The following MACROD2 variants were observed in gnomAD, a reference collection of about 807,000 sequenced individuals.
The protein encoded by MACROD2 is mono-ADP ribosylhydrolase 2, also known as ADP-ribose glycohydrolase MACROD2.
In MACROD2, 36 loss-of-function variants were observed where a neutral mutation model predicts 70.4. That is an observed-to-expected ratio of 0.51 (90% CI 0.39 to 0.68). The LOEUF (loss-of-function observed/expected upper bound fraction) is 0.68, where lower values mean the gene tolerates loss of function less well. Ranked by LOEUF, MACROD2 falls within the 30% of genes least tolerant of loss-of-function variation. The probability of loss-of-function intolerance (pLI) is 0.00; values close to 1 mark genes in which losing one functional copy is unlikely to be tolerated. For synonymous variants in MACROD2, 172 were observed against 178.8 expected (o/e 0.96, Z 0.30); for missense variants, 496 against 538.4 (o/e 0.92, Z 0.78).
At chr20:14,363,144 A>G (rs184065716) in intron 3 of MACROD2, among the ~76,000 whole-genome samples, 28 of 152,294 alleles carry the variant, frequency 1.8e-4, no homozygotes, top group Admixed American at 1.6e-3. Flanking sequence ...CTCTCACTCT[A>G]TATTTTATTA....
chr20:15,082,534 T>G (rs926186482), intron 5 of MACROD2, among the ~76,000 whole-genome samples: 2 of 139,278 alleles, frequency 1.4e-5, no homozygotes, highest in Non-Finnish European at 3.1e-5. Context: ...TTTTTTTTTT[T>G]TTTTTTTTTT....
At chr20:14,723,018 C>G (rs886470681) in intron 5 of MACROD2, among the ~76,000 whole-genome samples, 11 of 152,210 alleles carry the variant, frequency 7.2e-5, no homozygotes, top group Non-Finnish European at 1.6e-4. Flanking sequence ...GACCACCTTG[C>G]AGGTTAAATC....
chr20:15,138,237 G>A (rs978810864), intron 5 of MACROD2, among the ~76,000 whole-genome samples: 9 of 152,066 alleles, frequency 5.9e-5, no homozygotes, highest in Non-Finnish European at 1.2e-4. Context: ...CACAAGAATT[G>A]AAATAGTTTC....
chr20:15,185,247 GA>G (rs535685427), intron 5 of MACROD2, among the ~76,000 whole-genome samples: 123 of 152,262 alleles, frequency 8.1e-4, no homozygotes, highest in Non-Finnish European at 1.4e-3. Context: ...CACCATTTGA[GA>G]AGAAAATAAT....
At chr20:15,151,822 G>C (rs898930954) in intron 5 of MACROD2, among the ~76,000 whole-genome samples, 2 of 152,004 alleles carry the variant, frequency 1.3e-5, no homozygotes, top group Non-Finnish European at 2.9e-5. Flanking sequence ...AGCTGGACCG[G>C]GTGTGAGGAG....
At chr20:14,178,424 ATAGC>A (rs2081281074) in intron 3 of MACROD2, among the ~76,000 whole-genome samples, 1 of 152,216 alleles carries the variant, frequency 6.6e-6, no homozygotes, top group South Asian at 2.1e-4. Context: ...TTATGAAAAA[ATAGC>A]AAAGTGCAAA....
intron 8 of MACROD2, among the ~76,000 whole-genome samples, chr20:15,693,395 A>C (rs1169463456): frequency 6.6e-6 from 1 of 152,028 alleles, no homozygotes; most frequent in Non-Finnish European, 1.5e-5. Flanking sequence ...GCTGTTTGCT[A>C]CCTGTGGATT....
chr20:15,199,007 C>CTTTTTTTT (rs11477634), intron 5 of MACROD2, among the ~76,000 whole-genome samples: 1 of 118,628 alleles, frequency 8.4e-6, no homozygotes. Context: ...ATCTGGACTT[C>CTTTTTTTT]TTTTTTTTTT....
chr20:14,903,650 A>G (rs1214372717), intron 5 of MACROD2, among the ~76,000 whole-genome samples: 1 of 152,124 alleles, frequency 6.6e-6, no homozygotes, highest in Non-Finnish European at 1.5e-5. Context: ...TGCAGTATTC[A>G]TTAGGATACT....
At chr20:14,339,930 T>C (rs1166338472) in intron 3 of MACROD2, among the ~76,000 whole-genome samples, 1 of 152,212 alleles carries the variant, frequency 6.6e-6, no homozygotes, top group Non-Finnish European at 1.5e-5. Context: ...TACATAGTTT[T>C]TCACTTCCCG....
chr20:15,898,464 T>C (rs751123668), intron 10 of MACROD2, among the ~76,000 whole-genome samples: 1 of 149,926 alleles, frequency 6.7e-6, no homozygotes, highest in African/African-American at 2.4e-5. Flanking sequence ...GGCATCAGAA[T>C]TGCTTGAACC....
At chr20:14,193,791 C>A (rs141765024) in intron 3 of MACROD2, among the ~76,000 whole-genome samples, 1 of 152,246 alleles carries the variant, frequency 6.6e-6, no homozygotes, top group East Asian at 1.9e-4. Context: ...TCAATTGGAA[C>A]GAGGCAGAAA....
At chr20:14,131,230 T>C (rs1413597967) in intron 3 of MACROD2, among the ~76,000 whole-genome samples, 1 of 152,186 alleles carries the variant, frequency 6.6e-6, no homozygotes. Context: ...GGATAAAGAG[T>C]TGTTTTCTGA....
chr20:14,214,276 A>G (rs943830569), intron 3 of MACROD2, among the ~76,000 whole-genome samples: 1 of 152,150 alleles, frequency 6.6e-6, no homozygotes, highest in Non-Finnish European at 1.5e-5. Context: ...TCCTGCCTTC[A>G]GGCTAAAAGG....
chr20:15,297,521 G>A (rs940318905), intron 6 of MACROD2, among the ~76,000 whole-genome samples: 10 of 152,168 alleles, frequency 6.6e-5, no homozygotes, highest in Admixed American at 1.3e-4. Flanking sequence ...CAGAAAGAGG[G>A]CAGGGGAGGT....
chr20:14,492,646 C>G (rs1293544335), intron 3 of MACROD2, among the ~76,000 whole-genome samples: 1 of 152,038 alleles, frequency 6.6e-6, no homozygotes, highest in Admixed American at 6.6e-5. Flanking sequence ...TTGGTTGCTA[C>G]CTACTTTCCC....
intron 3 of MACROD2, among the ~76,000 whole-genome samples, chr20:14,211,219 C>A (rs1263130750): frequency 6.6e-6 from 1 of 152,172 alleles, no homozygotes; most frequent in Non-Finnish European, 1.5e-5. Context: ...GAACTGGGCT[C>A]AGATCCTGAT....
intron 6 of MACROD2, among the ~76,000 whole-genome samples, chr20:15,289,912 A>G (rs1426493965): frequency 6.6e-6 from 1 of 152,200 alleles, no homozygotes; most frequent in Non-Finnish European, 1.5e-5. Flanking sequence ...TTTCACAAAG[A>G]GTAACACATT....
At chr20:15,507,444 CT>C (rs2047441278) in intron 8 of MACROD2, among the ~76,000 whole-genome samples, 1 of 148,138 alleles carries the variant, frequency 6.8e-6, no homozygotes, top group Non-Finnish European at 1.5e-5. Context: ...TCCTTCCTTT[CT>C]TTTTCTTTTT....
Sources: allele counts gnomAD v4.1 joint callset (sites outside exome capture counted in the v4.1 genomes callset), GRCh38; gene constraint gnomAD v4.1.1; transcripts MANE v1.5; gene names NCBI Gene and HGNC (gene_info 2026-07-23, HGNC 2026-07-21).